The following COLEC12 variants were observed in gnomAD, a reference collection of about 807,000 sequenced individuals.
The protein encoded by COLEC12 is collectin subfamily member 12.
COLEC12 carries 33 observed loss-of-function variants against 71.1 expected under a neutral mutation model. The ratio of observed to expected loss-of-function variants is 0.46; its 90% CI spans 0.35 to 0.62. The LOEUF (loss-of-function observed/expected upper bound fraction) is 0.62. Ranked by LOEUF, COLEC12 falls within the 20% of genes least tolerant of loss-of-function variation. The probability of loss-of-function intolerance (pLI) is 0.00; values close to 1 mark genes in which losing one functional copy is unlikely to be tolerated. For missense variants in COLEC12, 765 were observed against 916.1 expected (o/e 0.84, Z 2.13); for synonymous variants, 350 against 353.0 (o/e 0.99, Z 0.10).
intron 2 of COLEC12, among the ~76,000 whole-genome samples, chr18:410,492 G>A (rs1017640121): frequency 2.0e-5 from 3 of 151,434 alleles, no homozygotes; most frequent in Admixed American, 6.6e-5. Flanking sequence ...AGGCTGAAGT[G>A]CAGTGGCATG....
chr18:480,013 A>C lies in COLEC12; in HGVS notation c.58+694T>G, dbSNP rs1009943553. Among the ~76,000 whole-genome samples, 1 of 152,234 alleles carries C rather than the reference A, an allele frequency of 6.6e-6. No homozygotes were observed. Among genetic ancestry groups the C allele is most frequent in the Non-Finnish European group, 1.5e-5 (1 of 68,046 alleles). On this transcript the variant is annotated intron_variant, in intron 2 of 9. Coordinates refer to ENST00000400256, the MANE Select transcript of COLEC12 (RefSeq NM_130386.3). The surrounding 1 kb of genome is among the most constrained non-coding windows in gnomAD (Gnocchi z 4.1). ...CACCTATATTCCTTGACCAGAGAAC[A>C]TAACAAAAATCTCTGCTTCCATCCT... is the stretch of plus-strand genomic sequence containing the variant.
intron 8 of COLEC12, among the ~76,000 whole-genome samples, chr18:325,435 A>G (rs1275271009): frequency 6.6e-6 from 1 of 151,898 alleles, no homozygotes; most frequent in Admixed American, 6.6e-5. Flanking sequence ...AAGGTGGGCA[A>G]CTGCAAGCAG....
intron 2 of COLEC12, among the ~76,000 whole-genome samples, chr18:450,216 C>A (rs1319060241): frequency 6.6e-6 from 1 of 152,198 alleles, no homozygotes; most frequent in African/African-American, 2.4e-5. Context: ...TTCCAGCTCT[C>A]GGAAAATGTC....
chr18:403,533 GACA>G (rs1402836366), intron 2 of COLEC12, among the ~76,000 whole-genome samples: 5 of 152,180 alleles, frequency 3.3e-5, no homozygotes, highest in African/African-American at 1.2e-4. Flanking sequence ...GAGCGTGTGA[GACA>G]ACGTGTGTTT....
chr18:389,446 T>C (rs1197744464), intron 2 of COLEC12, among the ~76,000 whole-genome samples: 1 of 151,820 alleles, frequency 6.6e-6, no homozygotes, highest in African/African-American at 2.4e-5. Flanking sequence ...GCTCGGCTAA[T>C]TTTTTGTATT....
At chr18:324,768 G>T (rs1598325172) in intron 8 of COLEC12, among the ~76,000 whole-genome samples, 1 of 152,260 alleles carries the variant, frequency 6.6e-6, no homozygotes, top group East Asian at 1.9e-4. Context: ...GGTGAAGGTT[G>T]TAGTGACCCA....
intron 2 of COLEC12, among the ~76,000 whole-genome samples, chr18:434,788 C>T (rs1916371724): frequency 6.6e-6 from 1 of 152,198 alleles, no homozygotes; most frequent in Non-Finnish European, 1.5e-5. Flanking sequence ...CTTACAGACT[C>T]CTTCAAATAG....
intron 2 of COLEC12, among the ~76,000 whole-genome samples, chr18:434,880 C>T (rs1916373469): frequency 6.6e-6 from 1 of 152,156 alleles, no homozygotes; most frequent in Non-Finnish European, 1.5e-5. Flanking sequence ...CTCATCCTGG[C>T]TAGCCACATA....
intron 2 of COLEC12, among the ~76,000 whole-genome samples, chr18:474,145 T>C (rs1376069178): frequency 6.6e-6 from 1 of 152,244 alleles, no homozygotes; most frequent in East Asian, 1.9e-4. Flanking sequence ...TGGCCGTGTC[T>C]GTGAGCTTCC....
At chr18:431,081 C>T (rs544177865) in intron 2 of COLEC12, among the ~76,000 whole-genome samples, 1 of 152,096 alleles carries the variant, frequency 6.6e-6, no homozygotes, top group African/African-American at 2.4e-5. Context: ...CAGCCTTGAC[C>T]TCCTGGGCTC....
chr18:455,744 A>G (rs941944453), intron 2 of COLEC12, among the ~76,000 whole-genome samples: 18 of 151,242 alleles, frequency 1.2e-4, no homozygotes, highest in African/African-American at 3.4e-4. Context: ...GAGAACATGC[A>G]GTGTTTGGTT....
At chr18:341,154 C>T (rs1914243784) in intron 5 of COLEC12, among the ~76,000 whole-genome samples, 2 of 152,206 alleles carry the variant, frequency 1.3e-5, no homozygotes, top group South Asian at 4.1e-4. Context: ...TAACCAATTG[C>T]TCTGCTGTCA....
At chr18:398,145 T>G (rs1026714724) in intron 2 of COLEC12, among the ~76,000 whole-genome samples, 1 of 152,218 alleles carries the variant, frequency 6.6e-6, no homozygotes, top group African/African-American at 2.4e-5. Flanking sequence ...GCATCGAAAC[T>G]ATGAGAAACT....
At chr18:333,174 A>G (rs1249477193) in intron 6 of COLEC12, 31 bp from the exon 7 acceptor site, 2 of 1,565,752 alleles carry the variant, frequency 1.3e-6, no homozygotes, top group East Asian at 4.5e-5. Flanking sequence ...AACATTGATT[A>G]AAAGATCACA....
At chr18:431,008 T>A (rs1032790671) in intron 2 of COLEC12, among the ~76,000 whole-genome samples, 3 of 152,120 alleles carry the variant, frequency 2.0e-5, no homozygotes, top group Non-Finnish European at 4.4e-5. Context: ...TATTTTATTT[T>A]ATTTATTTTT....
intron 3 of COLEC12, 70 bp downstream of exon 3, chr18:357,330 G>A: frequency 2.8e-6 from 4 of 1,435,484 alleles, no homozygotes; most frequent in Non-Finnish European, 3.8e-6. Flanking sequence ...TTGCAAATAT[G>A]AGTTTTCTCA....
chr18:394,581 T>C (rs1312078820), intron 2 of COLEC12, among the ~76,000 whole-genome samples: 1 of 152,216 alleles, frequency 6.6e-6, no homozygotes, highest in East Asian at 1.9e-4. Context: ...ACCTTGAAGG[T>C]TTCCCATTTT....
chr18:368,924 T>C (rs1055994695), intron 2 of COLEC12, among the ~76,000 whole-genome samples: 1 of 152,048 alleles, frequency 6.6e-6, no homozygotes. Flanking sequence ...AATCACAATT[T>C]CCCATGGGTT....
intron 2 of COLEC12, among the ~76,000 whole-genome samples, chr18:459,823 C>T (rs1049707345): frequency 2.6e-5 from 4 of 152,188 alleles, no homozygotes; most frequent in East Asian, 3.9e-4. Context: ...TACGGTTAAC[C>T]CTGAAACCAA....
Sources: gnomAD v4.1 joint callset for allele counts (sites outside exome capture counted in the v4.1 genomes callset) on GRCh38, gnomAD v4.1.1 for gene constraint, Gnocchi (gnomAD v3.1) non-coding constraint, MANE v1.5 for transcripts, NCBI Gene and HGNC (gene_info 2026-07-23, HGNC 2026-07-21) for gene names.